The following KLHDC10 variants were observed in gnomAD, a reference collection of about 807,000 sequenced individuals.
The protein encoded by KLHDC10 is kelch domain-containing protein 10.
KLHDC10 carries 24 observed loss-of-function variants against 56.1 expected under a neutral mutation model. That is an observed-to-expected ratio of 0.43 (90% CI 0.31 to 0.60). The LOEUF is 0.60. Among genes scored for constraint, KLHDC10 ranks in the 20% least tolerant of loss-of-function variants. The pLI is 0.11. For synonymous variants in KLHDC10, 188 were observed against 207.1 expected, an observed-to-expected ratio of 0.91 and a Z score of 0.79; for missense variants, 349 against 567.0, an observed-to-expected ratio of 0.62 and a Z score of 3.91.
In KLHDC10 at chr7:130,101,710, C is replaced by G. The variant is rs185530841; in HGVS notation, c.253+4703C>G. Among the ~76,000 whole-genome samples, 9 of 152,208 alleles carry G rather than the reference C, an allele frequency of 5.9e-5. No individual in the cohort carries two copies. The East Asian group carries it at 1.7e-3, about 29-fold the overall frequency. On this transcript the variant is annotated intron_variant, in intron 2 of 9. Transcript: ENST00000335420. ...AGAAGGCCGGGTGCGGCGGCTCACA[C>G]CTGTAATCCCAGCACTTAGGGAGGC...
intron 1 of KLHDC10, among the ~76,000 whole-genome samples, chr7:130,088,271 G>T (rs1795718769): frequency 6.6e-6 from 1 of 151,448 alleles, no homozygotes; most frequent in South Asian, 2.1e-4. Context: ...AATAAAAGTT[G>T]TGTCTTCACC....
rs1410461086 is a variant in KLHDC10 at position 130,130,089 on chromosome 7, G to A, written c.1120-448G>A. 6.6e-6 allele frequency among the ~76,000 whole-genome samples: 1 copy of A among 151,988 alleles called. No individual in the cohort carries two copies. The highest frequency in any genetic ancestry group is 1.5e-5 in the Non-Finnish European group (1 of 68,002). ...CCCAGCACTTTGGGAGGCCAAGGTG[G>A]GCGGATCACGAGGTCAGGAGATTGA... On this transcript the variant is annotated intron_variant, in intron 9 of 9. Coordinates refer to ENST00000335420, the MANE Select transcript of KLHDC10 (RefSeq NM_014997.4). The surrounding 1 kb of genome is among the most constrained non-coding windows in gnomAD (Gnocchi z 4.2).
Position 130,134,793 on chromosome 7 carries a change from G to A in KLHDC10, c.*4047G>A, listed in dbSNP as rs547691959. ...GCTCTAGGGTGGATGAGGGTTTATG[G>A]TCCTCTGATCATAAGCTCCATTCTA... On this transcript the variant is annotated 3_prime_UTR_variant, in exon 10 of 10. Transcript: ENST00000335420. The A allele has an allele frequency of 7.9e-5, 12 of 151,958 alleles. 1 individual carries two copies. The highest frequency in any genetic ancestry group is 2.9e-4 in the African/African-American group (12 of 41,436). The allele number at this position is 151,958 out of a possible 1,614,324, so 9.4% of individuals were successfully genotyped here.
At chr7:130,126,636 A>T (rs1796319591) in intron 7 of KLHDC10, among the ~76,000 whole-genome samples, 1 of 151,980 alleles carries the variant, frequency 6.6e-6, no homozygotes, top group Non-Finnish European at 1.5e-5. Context: ...AGATCACGCC[A>T]CGGCACTCCA....
At chr7:130,072,331 C>T (rs1166896183) in intron 1 of KLHDC10, among the ~76,000 whole-genome samples, 1 of 152,138 alleles carries the variant, frequency 6.6e-6, no homozygotes, top group Non-Finnish European at 1.5e-5. Flanking sequence ...ACTTCAACCA[C>T]GTGATGGCAG....
intron 8 of KLHDC10, among the ~76,000 whole-genome samples, chr7:130,127,802 T>G (rs932750010): frequency 6.6e-6 from 1 of 152,202 alleles, no homozygotes; most frequent in African/African-American, 2.4e-5. Context: ...CAGCGAACAT[T>G]GTATTAAAAT....
rs572157294 is a variant in KLHDC10 at position 130,092,428 on chromosome 7, C to T, written c.167-4493C>T. 9.9e-5 allele frequency among the ~76,000 whole-genome samples: 15 copies of T among 152,246 alleles called. No individual in the cohort carries two copies. In the South Asian group the frequency reaches 2.5e-3, roughly 25 times the overall value. On this transcript the variant is annotated intron_variant, in intron 1 of 9. Transcript: ENST00000335420. ...TAGTTTTATGCTCAATCATCTTTAT[C>T]GTGAGTCCTAGTTAGCCTTGCTGTG... is the stretch of plus-strand genomic sequence containing the variant.
intron 1 of KLHDC10, among the ~76,000 whole-genome samples, chr7:130,084,391 G>A (rs1365512285): frequency 6.6e-6 from 1 of 152,170 alleles, no homozygotes; most frequent in East Asian, 1.9e-4. Context: ...GTATATCAGT[G>A]GTTGGAAGTG....
intron 1 of KLHDC10, among the ~76,000 whole-genome samples, chr7:130,085,185 T>C (rs1328407398): frequency 6.7e-6 from 1 of 150,272 alleles, no homozygotes; most frequent in East Asian, 2.0e-4. Flanking sequence ...ATACAAAAAT[T>C]AGCCGGGTGT....
At position 130,119,217 on chromosome 7, in the gene KLHDC10, A is replaced by T. The variant is rs28851017; in HGVS notation, c.476-1532A>T. 2.1e-3 allele frequency among the ~76,000 whole-genome samples: 313 copies of T among 150,752 alleles called. 1 individual carries two copies. Among genetic ancestry groups the T allele is most frequent in the South Asian group, 5.3e-3 (25 of 4,760 alleles). ...AGCAAGACTCCAACTCAAAAAAAAA[A>T]AAATAAATAAAGGCTAGGTGTGGTG... On this transcript the variant is annotated intron_variant, in intron 3 of 9. Coordinates refer to ENST00000335420, the MANE Select transcript of KLHDC10 (RefSeq NM_014997.4).
At position 130,134,825 on chromosome 7, in the gene KLHDC10, GGTCACT is replaced by G. The variant is rs1306452628; in HGVS notation, c.*4082_*4087del. The stretch of plus-strand genomic sequence containing the variant: ...GATCATAAGCTCCATTCTAAAAACT[GGTCACT>G]GTTAGCTGAAATTGCTTTGGTTCCC... On this transcript the variant is annotated 3_prime_UTR_variant, in exon 10 of 10. Transcript: ENST00000335420. The G allele has an allele frequency of 5.9e-5, 9 of 152,072 alleles. No individual in the cohort carries two copies. The highest frequency in any genetic ancestry group is 5.9e-4 in the Admixed American group (9 of 15,260). The allele number at this position is 152,072 out of a possible 1,614,324, so 9.4% of individuals were successfully genotyped here.
chr7:130,100,439 T>C (rs72607761), intron 2 of KLHDC10, among the ~76,000 whole-genome samples: 20,557 of 152,200 alleles, frequency 0.14, 1,587 homozygotes, highest in East Asian at 0.31. Context: ...GTGCCTTTCA[T>C]ATCTTTACTC....
chr7:130,127,265 A>C, intron 7 of KLHDC10, 139 bp from the exon 8 acceptor site: 1 of 681,720 alleles, frequency 1.5e-6, no homozygotes, highest in Non-Finnish European at 2.6e-6. Flanking sequence ...AGGGAGTGGA[A>C]GGACTAGTCA....
rs185461913 is a variant in KLHDC10 at position 130,071,100 on chromosome 7, A to G, written c.166+291A>G. ...CATTTCCAAATGTTTCGGTTACTCGATTCCCAATCTCTTCCCCTTCCGCAG... is the reference window on the plus strand; with the variant it reads ...CATTTCCAAATGTTTCGGTTACTCGGTTCCCAATCTCTTCCCCTTCCGCAG... On this transcript the variant is annotated intron_variant, in intron 1 of 9. Transcript: ENST00000335420. Among the ~76,000 whole-genome samples, 110 of 152,334 alleles carry G rather than the reference A, an allele frequency of 7.2e-4. 3 individuals are homozygous for G. The East Asian group carries it at 0.013, about 19-fold the overall frequency.
In KLHDC10 at chr7:130,129,571, A is replaced by T. The variant is rs749382042; in HGVS notation, c.1114A>T (p.Thr372Ser). The change falls in exon 9 of 10, where the codon ACA (threonine) becomes TCA (serine). Residue 372 changes from threonine to serine, a missense_variant. Thr to Ser is a moderately conservative substitution (Grantham distance 58). Coordinates refer to ENST00000335420, the MANE Select transcript of KLHDC10 (RefSeq NM_014997.4). ...EPVYFHCAAV[T>S]PAGCMYIHGG... Reference sequence around the variant, plus strand: ...AGTTTATTTTCACTGTGCAGCTGTTACACCAGTAAGTTTTTATTTTCATAT... The same window carrying T: ...AGTTTATTTTCACTGTGCAGCTGTTTCACCAGTAAGTTTTTATTTTCATAT... 2.5e-6 allele frequency: 4 copies of T among 1,612,254 alleles called. No homozygotes were observed. The highest frequency in any genetic ancestry group is 3.4e-6 in the Non-Finnish European group (4 of 1,179,468).
At chr7:130,082,771 C>T (rs187011056) in intron 1 of KLHDC10, among the ~76,000 whole-genome samples, 62 of 152,284 alleles carry the variant, frequency 4.1e-4, no homozygotes, top group African/African-American at 1.5e-3. Context: ...AAGGTAATAA[C>T]GTCCTAATTG....
In KLHDC10 at chr7:130,096,047, G is replaced by A. The variant is rs539597257; in HGVS notation, c.167-874G>A. On this transcript the variant is annotated intron_variant, in intron 1 of 9. Coordinates refer to ENST00000335420, the MANE Select transcript of KLHDC10 (RefSeq NM_014997.4). ...CCTTGTTTTGCAATCTCAGGTCCTA[G>A]CATAGGGCTCCAGGCATAGCAGATG... 2.6e-5 allele frequency among the ~76,000 whole-genome samples: 4 copies of A among 152,240 alleles called. No homozygotes were observed. The South Asian group carries it at 8.3e-4, about 32-fold the overall frequency.
chr7:130,117,849 CAAAAAAAA>C (rs60800057), intron 3 of KLHDC10, among the ~76,000 whole-genome samples: 14 of 73,198 alleles, frequency 1.9e-4, no homozygotes, highest in East Asian at 4.6e-4. Flanking sequence ...GACCCTGTCT[CAAAAAAAA>C]AAAAAAAAAA....
intron 1 of KLHDC10, among the ~76,000 whole-genome samples, chr7:130,083,862 C>T (rs1795644789): frequency 1.3e-5 from 2 of 152,130 alleles, no homozygotes; most frequent in Non-Finnish European, 2.9e-5. Context: ...TTTTGGCTTC[C>T]TGGGTGTCAG....
Sources: allele counts gnomAD v4.1 joint callset (sites outside exome capture counted in the v4.1 genomes callset), GRCh38; gene constraint gnomAD v4.1.1; non-coding constraint Gnocchi (gnomAD v3.1); transcripts MANE v1.5; gene names NCBI Gene and HGNC (gene_info 2026-07-23, HGNC 2026-07-21).